The following GPC1 variants were observed in gnomAD, a reference collection of about 807,000 sequenced individuals.
The protein encoded by GPC1 is glypican-1.
A neutral mutation model predicts 51.5 loss-of-function variants in GPC1; 26 were observed. That is an observed-to-expected ratio of 0.50 (90% confidence interval 0.37 to 0.70). The LOEUF (loss-of-function observed/expected upper bound fraction) is 0.70, where lower values mean the gene tolerates loss of function less well. GPC1 is among the 30% of genes least tolerant of loss of function. The pLI, the probability that GPC1 is intolerant of heterozygous loss-of-function variation, is 0.00. For synonymous variants in GPC1, 380 were observed against 348.3 expected, an observed-to-expected ratio of 1.09 and a Z score of -1.01; for missense variants, 775 against 800.5, an observed-to-expected ratio of 0.97 and a Z score of 0.38.
intron 1 of GPC1, among the ~76,000 whole-genome samples, chr2:240,447,433 G>A (rs2074058117): frequency 6.6e-6 from 1 of 152,202 alleles, no homozygotes; most frequent in Admixed American, 6.5e-5. Context: ...TGAGGCCGGC[G>A]TGGAGCCGGC....
At chr2:240,465,837 T>G (rs1055048287) in intron 8 of GPC1, among the ~76,000 whole-genome samples, 189 bp downstream of exon 8, 2 of 152,120 alleles carry the variant, frequency 1.3e-5, no homozygotes, top group African/African-American at 4.8e-5. Flanking sequence ...CCTGGAGGCC[T>G]GGCCGGGATG....
chr2:240,438,199 T>G (rs1240173203), intron 1 of GPC1, among the ~76,000 whole-genome samples: 1 of 152,172 alleles, frequency 6.6e-6, no homozygotes, highest in Non-Finnish European at 1.5e-5. Context: ...AGGACTGCAC[T>G]GGGCAGGATT....
At position 240,459,185 on chromosome 2, in the gene GPC1, G is replaced by A. The variant is rs1054217438; in HGVS notation, c.322G>A (p.Asp108Asn). Reference sequence around the variant, plus strand: ...GCTTGCCACCCAGCTGCGCAGCTTCGATGGTGAGTGCCTCCCACGGGCGCT... The same window carrying A: ...GCTTGCCACCCAGCTGCGCAGCTTCAATGGTGAGTGCCTCCCACGGGCGCT... Reference protein sequence around the residue: ...AMLATQLRSFDDHFQHLLNDS... With the variant: ...AMLATQLRSFNDHFQHLLNDS... The change falls in exon 2 of 9, where the codon GAT becomes AAT. Residue 108 changes from aspartate (D) to asparagine (N), a missense_variant. By Grantham distance (23) the Asp-to-Asn change is conservative. Transcript: ENST00000264039. 5 of 1,611,322 alleles carry A rather than the reference G, an allele frequency of 3.1e-6. No individual in the cohort carries two copies. The highest frequency in any genetic ancestry group is 2.2e-5 in the South Asian group (2 of 90,936).
At chr2:240,443,974 G>T (rs2074033792) in intron 1 of GPC1, among the ~76,000 whole-genome samples, 1 of 152,244 alleles carries the variant, frequency 6.6e-6, no homozygotes, top group Non-Finnish European at 1.5e-5. Context: ...GGCCTGGCTA[G>T]CAGGGGTGAG....
At chr2:240,452,452 G>A (rs1444320504) in intron 1 of GPC1, 1 of 152,456 alleles carries the variant, frequency 6.6e-6, no homozygotes, top group African/African-American at 2.4e-5. Flanking sequence ...TCAGCACAGA[G>A]AGAAACCCGA....
At chr2:240,464,463 G>A (rs980158421) in intron 4 of GPC1, 153 bp from the exon 5 acceptor site, 131 of 1,004,372 alleles carry the variant, frequency 1.3e-4, no homozygotes, top group Admixed American at 3.5e-4. Flanking sequence ...CATGTCACAC[G>A]GGCCAACCTG....
chr2:240,438,049 G>C lies in GPC1; in HGVS notation c.166+1965G>C, dbSNP rs373736728. 3.9e-5 allele frequency among the ~76,000 whole-genome samples: 6 copies of C among 152,318 alleles called. No homozygotes were observed. The East Asian group carries it at 1.2e-3, about 29-fold the overall frequency. On this transcript the variant is annotated intron_variant, in intron 1 of 8. Transcript: ENST00000264039. ...ACAGGCAGATTGTGTTGATTTCTCT[G>C]TGTCTGATGGGGCAGGGGATGCTGT...
At chr2:240,440,069 C>T (rs1022303370) in intron 1 of GPC1, among the ~76,000 whole-genome samples, 1 of 152,224 alleles carries the variant, frequency 6.6e-6, no homozygotes, top group African/African-American at 2.4e-5. Context: ...AGGGAATAAT[C>T]GTGACCTCCT....
intron 1 of GPC1, among the ~76,000 whole-genome samples, chr2:240,436,741 C>T (rs901801221): frequency 2.2e-4 from 33 of 152,234 alleles, no homozygotes; most frequent in Non-Finnish European, 4.1e-4. Flanking sequence ...AGATTCCTGT[C>T]GAAGAACTTG....
intron 1 of GPC1, among the ~76,000 whole-genome samples, chr2:240,439,160 C>T (rs1157999491): frequency 6.6e-6 from 1 of 152,130 alleles, no homozygotes; most frequent in African/African-American, 2.4e-5. Context: ...CACCTGAGCT[C>T]CCTGGTCGCT....
At chr2:240,459,639 G>T (rs2074199762) in intron 2 of GPC1, among the ~76,000 whole-genome samples, 1 of 152,184 alleles carries the variant, frequency 6.6e-6, no homozygotes, top group Non-Finnish European at 1.5e-5. Flanking sequence ...GGACAGGGCT[G>T]CAGAGTGCAG....
In GPC1 at chr2:240,459,119, G is replaced by T. The variant is rs755385443; in HGVS notation, c.256G>T (p.Glu86Ter). 6.2e-7 allele frequency: 1 copy of T among 1,612,786 alleles called. No individual in the cohort carries two copies. Among genetic ancestry groups the T allele is most frequent in the South Asian group, 1.1e-5 (1 of 91,086 alleles). Residue 86 changes from glutamate (E) to a stop codon, truncating the protein, a stop_gained, in exon 2 of 9, where the codon GAG (glutamate) becomes TAG (stop). Transcript: ENST00000264039. LOFTEE classifies it high-confidence loss of function. ...GGCCAACCGCAGCCATGCCGAGCTGGAGACCGCGCTCCGGGACAGCAGCCG... is the reference window on the plus strand; with the variant it reads ...GGCCAACCGCAGCCATGCCGAGCTGTAGACCGCGCTCCGGGACAGCAGCCG... ...NLANRSHAEL[E>*]TALRDSSRVL...
At chr2:240,465,406 C>G in intron 7 of GPC1, 67 bp from the exon 8 acceptor site, 1 of 1,496,738 alleles carries the variant, frequency 6.7e-7, no homozygotes, top group Non-Finnish European at 9.2e-7. Context: ...GGAGAGTGTC[C>G]TGCTCAGGTG....
intron 1 of GPC1, among the ~76,000 whole-genome samples, chr2:240,438,784 C>T (rs560117405): frequency 2.8e-4 from 42 of 152,312 alleles, no homozygotes; most frequent in Admixed American, 6.5e-4. Flanking sequence ...CTTCCTTTGT[C>T]CTCTGGACAG....
At chr2:240,450,165 C>CAGGGCTGG in intron 1 of GPC1, 1 of 339,058 alleles carries the variant, frequency 2.9e-6, no homozygotes, top group African/African-American at 2.2e-5. Flanking sequence ...GGCTGTGGGG[C>CAGGGCTGG]AGGGCTGGGC....
intron 1 of GPC1, among the ~76,000 whole-genome samples, chr2:240,453,668 C>T (rs1476040193): frequency 6.6e-6 from 1 of 150,746 alleles, no homozygotes; most frequent in African/African-American, 2.4e-5. Context: ...CCCTCCCCGC[C>T]GCGCCCACTG....
chr2:240,452,813 C>G (rs2151790739), intron 1 of GPC1: 1 of 159,626 alleles, frequency 6.3e-6, no homozygotes, highest in African/African-American at 2.4e-5. Context: ...CGGCCGTGCG[C>G]GCCAGTGCGG....
intron 1 of GPC1, among the ~76,000 whole-genome samples, chr2:240,445,981 C>G (rs1385397670): frequency 6.6e-6 from 1 of 152,220 alleles, no homozygotes; most frequent in South Asian, 2.1e-4. Flanking sequence ...GTGCTTCCTC[C>G]ATGGTCCTCT....
intron 1 of GPC1, chr2:240,449,987 T>C (rs2074083054): frequency 4.4e-6 from 2 of 456,932 alleles, no homozygotes; most frequent in Admixed American, 2.4e-5. Context: ...CTTCCGGCTC[T>C]GGTGAATAAT....
Sources: gnomAD v4.1 joint callset for allele counts (sites outside exome capture counted in the v4.1 genomes callset) on GRCh38, gnomAD v4.1.1 for gene constraint, MANE v1.5 for transcripts, NCBI Gene and HGNC (gene_info 2026-07-23, HGNC 2026-07-21) for gene names.